KCNQ1OT1: variants seen among roughly 807,000 people sequenced by gnomAD.
KCNQ1OT1 encodes the protein KCNQ1 antisense RNA 2 (non-protein coding).
rs1850319510 is a variant in KCNQ1OT1, at chr11:2,677,784, A to G, written n.22211T>C. ...TTTAAGAGATCCTCCCTTTCCCCCC[A>G]TTTCCAGCAGGATTAAAATGTTCAT... is the stretch of plus-strand genomic sequence containing the variant. On this transcript the variant is annotated non_coding_transcript_exon_variant, in exon 1 of 1. Coordinates refer to ENST00000597346, the Ensembl canonical transcript of KCNQ1OT1. This position sits in a 1 kb window ranked among gnomAD's most constrained non-coding sequence, Gnocchi z 4.5. 1 of 398,460 alleles carries G rather than the reference A, an allele frequency of 2.5e-6. No individual in the cohort carries two copies. The highest frequency in any genetic ancestry group is 4.4e-6 in the Non-Finnish European group (1 of 226,004). 24.7% of individuals were successfully genotyped at this position (398,460 alleles called of 1,614,324 possible).
exon 1 of KCNQ1OT1, chr11:2,629,428 C>G (rs1264115493): frequency 2.5e-6 from 1 of 398,364 alleles, no homozygotes; most frequent in Admixed American, 4.4e-5. Flanking sequence ...GCAGTTTTTG[C>G]CCCATGTTTT....
rs765027357 is a variant in KCNQ1OT1, at chr11:2,653,369, A to T, written n.46626T>A. The T allele has an allele frequency of 1.0e-5, 4 of 398,622 alleles. No homozygotes were observed. Among genetic ancestry groups the T allele is most frequent in the Non-Finnish European group, 1.3e-5 (3 of 226,148 alleles). 24.7% of individuals were successfully genotyped at this position (398,622 alleles called of 1,614,324 possible). On this transcript the variant is annotated non_coding_transcript_exon_variant, in exon 1 of 1. Transcript: ENST00000597346. The surrounding 1 kb of genome is among the most constrained non-coding windows in gnomAD (Gnocchi z 5.3). Reference sequence around the variant, plus strand: ...CTCACACCTCACCCCCAACTTTGTCATGCACATTCCTGAAGACTCTCTTGG... The same window carrying T: ...CTCACACCTCACCCCCAACTTTGTCTTGCACATTCCTGAAGACTCTCTTGG...
Position 2,613,485 on chromosome 11 carries a change from A to G in KCNQ1OT1, n.86510T>C, listed in dbSNP as rs1849013339. On this transcript the variant is annotated non_coding_transcript_exon_variant, in exon 1 of 1. Transcript: ENST00000597346. This position sits in a 1 kb window ranked among gnomAD's most constrained non-coding sequence, Gnocchi z 4.8. The stretch of plus-strand genomic sequence containing the variant: ...GAGCCTTCTTTGTTGCTGGTCCTCA[A>G]GCCTACCGTGCCCCTGAGCTTGGGT... The G allele has an allele frequency of 2.5e-6, 1 of 398,586 alleles. No homozygotes were observed. Among genetic ancestry groups the G allele is most frequent in the African/African-American group, 2.1e-5 (1 of 48,736 alleles). The allele number at this position is 398,586 out of a possible 1,614,324, so 24.7% of individuals were successfully genotyped here. A position where few individuals can be genotyped will look rare whatever the true frequency, so the allele number is the denominator to read the frequency against.
Position 2,627,663 on chromosome 11 carries a change from T to C in KCNQ1OT1, n.72332A>G, listed in dbSNP as rs1269280766. 2 of 398,628 alleles carry C rather than the reference T, an allele frequency of 5.0e-6. No individual in the cohort carries two copies. 24.7% of individuals were successfully genotyped at this position (398,628 alleles called of 1,614,324 possible). On this transcript the variant is annotated non_coding_transcript_exon_variant, in exon 1 of 1. Coordinates refer to ENST00000597346, the Ensembl canonical transcript of KCNQ1OT1. This position sits in a 1 kb window ranked among gnomAD's most constrained non-coding sequence, Gnocchi z 4.9. Reference sequence around the variant, plus strand: ...TTTAAAGGATGAATATTTCATTGTGTGTGTGTATATATGTGTGTGTGTGTG... The same window carrying C: ...TTTAAAGGATGAATATTTCATTGTGCGTGTGTATATATGTGTGTGTGTGTG...
At chr11:2,662,871 C>G in exon 1 of KCNQ1OT1, 1 of 398,758 alleles carries the variant, frequency 2.5e-6, no homozygotes, top group Non-Finnish European at 4.4e-6. Flanking sequence ...CAACATTTTT[C>G]TAAAGGGTGT....
chr11:2,648,981 C>CTTTTTTTTTTTTTTTTTTTTTT, exon 1 of KCNQ1OT1: 49 of 213,284 alleles, frequency 2.3e-4, no homozygotes, highest in African/African-American at 7.1e-4. Context: ...TTTTCTTTTT[C>CTTTTTTTTTTTTTTTTTTTTTT]TTTTTTTTTT....
chr11:2,642,159 G>C lies in KCNQ1OT1; in HGVS notation n.57836C>G. 1 of 398,314 alleles carries C rather than the reference G, an allele frequency of 2.5e-6. No homozygotes were observed. Among genetic ancestry groups the C allele is most frequent in the Non-Finnish European group, 4.4e-6 (1 of 225,892 alleles). The allele number at this position is 398,314 out of a possible 1,614,324, so 24.7% of individuals were successfully genotyped here. On this transcript the variant is annotated non_coding_transcript_exon_variant, in exon 1 of 1. Coordinates refer to ENST00000597346, the Ensembl canonical transcript of KCNQ1OT1. This position sits in a 1 kb window ranked among gnomAD's most constrained non-coding sequence, Gnocchi z 4.3. ...ATTTTTTCTATTTCCATGAAAAATG[G>C]CATTGGTATTTTGAGAGAGACTGCA... is the stretch of plus-strand genomic sequence containing the variant.
chr11:2,660,964 T>C (rs1268074657), exon 1 of KCNQ1OT1: 5 of 398,540 alleles, frequency 1.3e-5, no homozygotes, highest in East Asian at 1.1e-4. Flanking sequence ...GTGGCCAATC[T>C]AAACTGTGGA....
exon 1 of KCNQ1OT1, chr11:2,667,451 A>T (rs1178341660): frequency 2.5e-6 from 1 of 398,708 alleles, no homozygotes; most frequent in Non-Finnish European, 4.4e-6. Context: ...TCAGGTCCTC[A>T]GCCAAGCAGA....
exon 1 of KCNQ1OT1, chr11:2,694,140 A>G: frequency 2.5e-6 from 1 of 398,558 alleles, no homozygotes; most frequent in Non-Finnish European, 4.4e-6. Flanking sequence ...AACAAATTAT[A>G]CTGCTGACCA....
Position 2,645,398 on chromosome 11 carries a change from G to A in KCNQ1OT1, n.54597C>T. 2.5e-6 allele frequency: 1 copy of A among 398,762 alleles called. No homozygotes were observed. The highest frequency in any genetic ancestry group is 3.6e-5 in the East Asian group (1 of 28,068). The allele number at this position is 398,762 out of a possible 1,614,324, so 24.7% of individuals were successfully genotyped here. ...AAAGAGGGTGGGACCAGGCCAGGTG[G>A]GCCTGTCCTGAGGCCCTCCAGTAAT... On this transcript the variant is annotated non_coding_transcript_exon_variant, in exon 1 of 1. Transcript: ENST00000597346. The surrounding 1 kb of genome is among the most constrained non-coding windows in gnomAD (Gnocchi z 5.8).
Position 2,693,426 on chromosome 11 carries a change from GC to G in KCNQ1OT1, n.6568del, listed in dbSNP as rs1333197364. 25 of 398,552 alleles carry G rather than the reference GC, an allele frequency of 6.3e-5. No homozygotes were observed. In the East Asian group the frequency reaches 8.9e-4, roughly 14 times the overall value. 24.7% of individuals were successfully genotyped at this position (398,552 alleles called of 1,614,324 possible). ...CCTAAGCTGGGAATAAGCTTGTTTT[GC>G]CAGGCGCTGGCCCCCCATCGAGTCC... On this transcript the variant is annotated non_coding_transcript_exon_variant, in exon 1 of 1. Coordinates refer to ENST00000597346, the Ensembl canonical transcript of KCNQ1OT1.
exon 1 of KCNQ1OT1, chr11:2,615,645 A>AT (rs1483992925): frequency 8.3e-5 from 33 of 397,850 alleles, no homozygotes; most frequent in Non-Finnish European, 1.3e-4. Context: ...GATTGCATGG[A>AT]TTTTTTATCC....
At chr11:2,686,180 C>T (rs1850486635) in exon 1 of KCNQ1OT1, 1 of 398,880 alleles carries the variant, frequency 2.5e-6, no homozygotes, top group Non-Finnish European at 4.4e-6. Context: ...ACAGCAATGC[C>T]TACTCATCCT....
In KCNQ1OT1 at chr11:2,661,174, T is replaced by C. The variant is rs538057764; in HGVS notation, n.38821A>G. The C allele has an allele frequency of 5.0e-6, 2 of 398,634 alleles. No homozygotes were observed. The highest frequency in any genetic ancestry group is 1.3e-4 in the South Asian group (1 of 7,852). 24.7% of individuals were successfully genotyped at this position (398,634 alleles called of 1,614,324 possible). The stretch of plus-strand genomic sequence containing the variant: ...TAGTTGGCAGTTAACACTGATGACC[T>C]TGGGGGAGGAAAGCCATTGTGAATC... On this transcript the variant is annotated non_coding_transcript_exon_variant, in exon 1 of 1. Coordinates refer to ENST00000597346, the Ensembl canonical transcript of KCNQ1OT1. The surrounding 1 kb of genome is among the most constrained non-coding windows in gnomAD (Gnocchi z 5.9).
chr11:2,675,951 C>G, exon 1 of KCNQ1OT1: 1 of 398,664 alleles, frequency 2.5e-6, no homozygotes, highest in African/African-American at 2.1e-5. Context: ...AAAACCAATT[C>G]AGAGTACAAA....
exon 1 of KCNQ1OT1, chr11:2,684,968 G>C (rs1850459029): frequency 2.5e-6 from 1 of 398,696 alleles, no homozygotes; most frequent in Non-Finnish European, 4.4e-6. Context: ...GAGTGAAATG[G>C]CTTCCAATTT....
chr11:2,689,563 T>C, exon 1 of KCNQ1OT1: 1 of 398,630 alleles, frequency 2.5e-6, no homozygotes. Flanking sequence ...GAATGAATGA[T>C]GTGGAAATCT....
exon 1 of KCNQ1OT1, chr11:2,628,839 C>T (rs1450818522): frequency 5.0e-6 from 2 of 398,146 alleles, no homozygotes; most frequent in Non-Finnish European, 8.9e-6. Flanking sequence ...ATGTGGATAT[C>T]CTGGTTTCAC....
Sources: allele counts gnomAD v4.1 joint callset, GRCh38; gene constraint gnomAD v4.1.1; non-coding constraint Gnocchi (gnomAD v3.1); transcripts MANE v1.5; gene names NCBI Gene and HGNC (gene_info 2026-07-23, HGNC 2026-07-21).